The following GABPB1 variants were observed in gnomAD, a reference collection of about 807,000 sequenced individuals.
GABPB1 encodes the protein GA-binding protein subunit beta-1.
A neutral mutation model predicts 45.9 loss-of-function variants in GABPB1; 15 were observed. That is an observed-to-expected ratio of 0.33 (90% CI 0.22 to 0.50). The LOEUF (loss-of-function observed/expected upper bound fraction) is 0.50, where lower values mean the gene tolerates loss of function less well. Among genes scored for constraint, GABPB1 ranks in the 20% least tolerant of loss-of-function variants. The pLI, the probability that GABPB1 is intolerant of heterozygous loss-of-function variation, is 0.98. For synonymous variants in GABPB1, 143 were observed against 154.4 expected (o/e 0.93, Z 0.55); for missense variants, 252 against 457.5 (o/e 0.55, Z 4.10).
chr15:50,281,910 T>A (rs1425696137), intron 8 of GABPB1, among the ~76,000 whole-genome samples: 1 of 152,160 alleles, frequency 6.6e-6, no homozygotes, highest in African/African-American at 2.4e-5. Context: ...GAGACTAGCC[T>A]GGGCAACAGG....
intron 7 of GABPB1, among the ~76,000 whole-genome samples, chr15:50,287,165 C>T (rs7168233): frequency 0.66 from 99,695 of 152,020 alleles, 34,125 homozygotes; most frequent in African/African-American, 0.84. Context: ...GTAAAGTCTA[C>T]ATAATTCACA....
intron 1 of GABPB1, among the ~76,000 whole-genome samples, chr15:50,316,806 C>T (rs1161550630): frequency 6.6e-6 from 1 of 152,050 alleles, no homozygotes; most frequent in African/African-American, 2.4e-5. Context: ...ATTTCTTTTA[C>T]ATTATGAACA....
chr15:50,304,145 A>G lies in GABPB1; in HGVS notation c.109-12T>C, dbSNP rs775398203. ...GGAGAAGTTCCCAGCTGTACCACAG[A>G]AAAAAAAAAAAATCCACATTTACAT... On this transcript the variant is annotated splice_polypyrimidine_tract_variant and intron_variant, in intron 2 of 8. Transcript: ENST00000380877. 92 of 606,526 alleles carry G rather than the reference A, an allele frequency of 1.5e-4. No individual in the cohort carries two copies. Among genetic ancestry groups the G allele is most frequent in the Non-Finnish European group, 2.0e-4 (88 of 436,090 alleles). 37.6% of individuals were successfully genotyped at this position (606,526 alleles called of 1,614,324 possible).
chr15:50,315,073 A>G (rs975393448), intron 1 of GABPB1, among the ~76,000 whole-genome samples: 19 of 152,220 alleles, frequency 1.2e-4, no homozygotes, highest in African/African-American at 4.6e-4. Flanking sequence ...ATTATCCTTT[A>G]TATTATAATC....
chr15:50,327,793 G>A (rs2047819384), intron 1 of GABPB1, among the ~76,000 whole-genome samples: 1 of 152,128 alleles, frequency 6.6e-6, no homozygotes, highest in East Asian at 1.9e-4. Context: ...CAGCTACTTG[G>A]GAGGCTGAGG....
intron 1 of GABPB1, among the ~76,000 whole-genome samples, chr15:50,319,367 T>C (rs1051339693): frequency 1.3e-5 from 2 of 152,216 alleles, no homozygotes; most frequent in African/African-American, 4.8e-5. Flanking sequence ...GGGCTTTCAA[T>C]GTGTCCATCA....
At chr15:50,318,420 C>T (rs1224378977) in intron 1 of GABPB1, among the ~76,000 whole-genome samples, 2 of 151,968 alleles carry the variant, frequency 1.3e-5, no homozygotes, top group Admixed American at 1.3e-4. Context: ...AGTTTTTTTC[C>T]CCTTTATTTT....
intron 1 of GABPB1, among the ~76,000 whole-genome samples, chr15:50,326,362 A>T (rs1595811312): frequency 1.3e-5 from 2 of 152,146 alleles, no homozygotes; most frequent in Non-Finnish European, 2.9e-5. Flanking sequence ...AAAAATTTTT[A>T]AAAATTAGCC....
At chr15:50,282,218 T>C (rs2045998548) in intron 8 of GABPB1, 1 of 436,478 alleles carries the variant, frequency 2.3e-6, no homozygotes, top group South Asian at 1.6e-5. Flanking sequence ...AATAAATAAA[T>C]ACAAACATAC....
intron 1 of GABPB1, among the ~76,000 whole-genome samples, chr15:50,315,974 G>A (rs2047312899): frequency 6.6e-6 from 1 of 152,180 alleles, no homozygotes; most frequent in Admixed American, 6.5e-5. Context: ...TGAAGCAGGA[G>A]AATCCCTGAA....
rs564399788 is a variant in GABPB1 at position 50,276,943 on chromosome 15, T to C, written c.*1689A>G. 1 of 152,254 alleles carries C rather than the reference T, an allele frequency of 6.6e-6. No individual in the cohort carries two copies. Among genetic ancestry groups the C allele is most frequent in the Non-Finnish European group, 1.5e-5 (1 of 68,048 alleles). The allele number at this position is 152,254 out of a possible 1,614,324, so 9.4% of individuals were successfully genotyped here. A position where few individuals can be genotyped will look rare whatever the true frequency, so the allele number is the denominator to read the frequency against. On this transcript the variant is annotated 3_prime_UTR_variant, in exon 9 of 9. Transcript: ENST00000380877. The stretch of plus-strand genomic sequence containing the variant: ...TAGTTTTTGGATCACTTAAAATATG[T>C]CAAATTTAGTGGAAAATTGAAAAAG...
chr15:50,334,104 TTTTC>T (rs995660907), intron 1 of GABPB1, among the ~76,000 whole-genome samples: 2 of 152,064 alleles, frequency 1.3e-5, no homozygotes, highest in Non-Finnish European at 2.9e-5. Flanking sequence ...CGTTTGATGG[TTTTC>T]TTTTTCTCCA....
chr15:50,328,279 T>C (rs1029736639), intron 1 of GABPB1, among the ~76,000 whole-genome samples: 4 of 152,082 alleles, frequency 2.6e-5, no homozygotes, highest in Non-Finnish European at 4.4e-5. Flanking sequence ...ACACATGTTG[T>C]ATTTGGTTAC....
chr15:50,351,384 T>C (rs1369982290), intron 1 of GABPB1: 3 of 152,288 alleles, frequency 2.0e-5, no homozygotes, highest in Non-Finnish European at 2.9e-5. Context: ...GAGACCAGCC[T>C]GGGCAACACA....
At chr15:50,331,880 TTTTG>T (rs869231009) in intron 1 of GABPB1, among the ~76,000 whole-genome samples, 36 of 96,244 alleles carry the variant, frequency 3.7e-4, no homozygotes, top group African/African-American at 6.5e-4. Context: ...GTTTTTTGTT[TTTTG>T]TTTTTTTTGA....
intron 1 of GABPB1, among the ~76,000 whole-genome samples, chr15:50,311,041 A>ATTC (rs2047116200): frequency 6.6e-6 from 1 of 152,040 alleles, no homozygotes; most frequent in Non-Finnish European, 1.5e-5. Context: ...TGAAAAGGCT[A>ATTC]ATGTCCCAGC....
chr15:50,305,264 G>A (rs2046901995), intron 2 of GABPB1, among the ~76,000 whole-genome samples: 1 of 151,122 alleles, frequency 6.6e-6, no homozygotes, highest in South Asian at 2.1e-4. Context: ...ATGTATAAAG[G>A]TCCTTAGTCC....
chr15:50,354,417 G>A (rs1280296987), intron 1 of GABPB1: 3 of 451,296 alleles, frequency 6.6e-6, no homozygotes, highest in African/African-American at 2.0e-5. Flanking sequence ...GCCGCGACCC[G>A]AGCGCCTCTC....
intron 7 of GABPB1, among the ~76,000 whole-genome samples, 172 bp downstream of exon 7, chr15:50,289,311 A>C (rs1304297401): frequency 6.6e-6 from 1 of 152,232 alleles, no homozygotes; most frequent in Non-Finnish European, 1.5e-5. Context: ...AGTCTATTGC[A>C]AAGGGTTATA....
Sources: gnomAD v4.1 joint callset for allele counts (sites outside exome capture counted in the v4.1 genomes callset) on GRCh38, gnomAD v4.1.1 for gene constraint, MANE v1.5 for transcripts, NCBI Gene and HGNC (gene_info 2026-07-23, HGNC 2026-07-21) for gene names.